Variants in RCAN1 observed in about 807,000 individuals in gnomAD.
RCAN1 encodes the protein calcipressin-1.
A neutral mutation model predicts 22.9 loss-of-function variants in RCAN1; 11 were observed. The ratio of observed to expected loss-of-function variants is 0.48; its 90% CI spans 0.30 to 0.79. The LOEUF is 0.79. RCAN1 is among the 30% of genes least tolerant of loss of function. RCAN1 has a pLI of 0.06. For synonymous variants in RCAN1, 136 were observed against 142.3 expected, an observed-to-expected ratio of 0.96 and a Z score of 0.32; for missense variants, 291 against 337.8, an observed-to-expected ratio of 0.86 and a Z score of 1.09.
chr21:34,571,932 T>C (rs978630174), intron 1 of RCAN1, among the ~76,000 whole-genome samples: 2 of 152,342 alleles, frequency 1.3e-5, no homozygotes, highest in East Asian at 3.9e-4. Context: ...CTTGCATGCC[T>C]ATCAAAGACC....
intron 3 of RCAN1, 155 bp downstream of exon 3, chr21:34,521,344 A>C (rs11700452): frequency 6.6e-7 from 1 of 1,512,452 alleles, no homozygotes; most frequent in South Asian, 1.3e-5. Flanking sequence ...TGCTCCCAGC[A>C]CAAGGGACGG....
intron 1 of RCAN1, among the ~76,000 whole-genome samples, chr21:34,594,083 T>G (rs1289943625): frequency 6.6e-6 from 1 of 152,208 alleles, no homozygotes; most frequent in Non-Finnish European, 1.5e-5. Context: ...GAGGAGTTCC[T>G]GTCGTGACCC....
intron 1 of RCAN1, among the ~76,000 whole-genome samples, chr21:34,565,254 A>T (rs1382246916): frequency 6.6e-6 from 1 of 152,220 alleles, no homozygotes; most frequent in East Asian, 1.9e-4. Context: ...GTTCCACTTC[A>T]TTCTTCTAGT....
At chr21:34,602,818 CTCTG>C (rs1260926927) in intron 1 of RCAN1, among the ~76,000 whole-genome samples, 1 of 152,194 alleles carries the variant, frequency 6.6e-6, no homozygotes, top group Non-Finnish European at 1.5e-5. Flanking sequence ...TGAGTTCTCT[CTCTG>C]TATTTCTTTA....
intron 1 of RCAN1, among the ~76,000 whole-genome samples, chr21:34,605,222 A>G (rs9976276): frequency 0.74 from 111,948 of 152,100 alleles, 41,531 homozygotes; most frequent in East Asian, 0.96. Context: ...GAAAAGACTA[A>G]ACTGGCTTAG....
intron 1 of RCAN1, among the ~76,000 whole-genome samples, chr21:34,538,349 T>C (rs1455638041): frequency 2.0e-5 from 3 of 152,140 alleles, no homozygotes; most frequent in African/African-American, 7.2e-5. Context: ...GTTTCACCCA[T>C]TTAAGAAACG....
intron 1 of RCAN1, among the ~76,000 whole-genome samples, chr21:34,571,179 G>A (rs1380423722): frequency 6.6e-6 from 1 of 152,134 alleles, no homozygotes; most frequent in Non-Finnish European, 1.5e-5. Context: ...TATAATCCCA[G>A]CTACTCGAGA....
intron 1 of RCAN1, among the ~76,000 whole-genome samples, chr21:34,566,023 A>G (rs138006813): frequency 2.0e-5 from 3 of 152,318 alleles, no homozygotes; most frequent in African/African-American, 7.2e-5. Flanking sequence ...CGTCTCTGGA[A>G]TGTACTACAC....
chr21:34,605,739 G>A (rs149982176), intron 1 of RCAN1, among the ~76,000 whole-genome samples: 91 of 151,988 alleles, frequency 6.0e-4, no homozygotes, highest in African/African-American at 1.9e-3. Flanking sequence ...GGCCAACATG[G>A]TGAAACCCTG....
At chr21:34,554,119 G>A (rs950427939) in intron 1 of RCAN1, among the ~76,000 whole-genome samples, 1 of 152,114 alleles carries the variant, frequency 6.6e-6, no homozygotes, top group East Asian at 1.9e-4. Flanking sequence ...TAGAGCTCTC[G>A]GGAGGAGAGT....
chr21:34,586,700 C>T (rs574422927), intron 1 of RCAN1, among the ~76,000 whole-genome samples: 1 of 152,234 alleles, frequency 6.6e-6, no homozygotes, highest in Non-Finnish European at 1.5e-5. Flanking sequence ...CACCTGTAAC[C>T]CCAGCACTTT....
At chr21:34,547,475 G>T (rs1293180595) in intron 1 of RCAN1, among the ~76,000 whole-genome samples, 1 of 152,224 alleles carries the variant, frequency 6.6e-6, no homozygotes, top group East Asian at 1.9e-4. Flanking sequence ...AATGCTAATG[G>T]ATTGAATTCT....
At chr21:34,582,801 C>T (rs1236609422) in intron 1 of RCAN1, among the ~76,000 whole-genome samples, 3 of 152,022 alleles carry the variant, frequency 2.0e-5, no homozygotes, top group Admixed American at 1.3e-4. Context: ...GAGGCTTCCG[C>T]GATAACACAG....
intron 1 of RCAN1, among the ~76,000 whole-genome samples, chr21:34,524,852 G>C (rs1984897259): frequency 6.6e-6 from 1 of 151,766 alleles, no homozygotes; most frequent in African/African-American, 2.4e-5. Context: ...CTGTCGGTGG[G>C]GGCAGCTGGG....
intron 1 of RCAN1, among the ~76,000 whole-genome samples, chr21:34,587,861 T>A (rs1342332428): frequency 6.6e-6 from 1 of 152,200 alleles, no homozygotes; most frequent in Non-Finnish European, 1.5e-5. Flanking sequence ...CGATTAACAT[T>A]TAGATTAGTG....
At chr21:34,595,800 G>T (rs2268271) in intron 1 of RCAN1, among the ~76,000 whole-genome samples, 45,203 of 152,140 alleles carry the variant, frequency 0.3, 7,248 homozygotes, top group South Asian at 0.4. Flanking sequence ...TGGGCAGGCC[G>T]GACAGGCTGC....
At chr21:34,584,048 G>A (rs1987711182) in intron 1 of RCAN1, among the ~76,000 whole-genome samples, 1 of 152,212 alleles carries the variant, frequency 6.6e-6, no homozygotes, top group African/African-American at 2.4e-5. Context: ...AATGGAATAA[G>A]GGAATGGTTG....
chr21:34,555,828 C>T (rs1038819969), intron 1 of RCAN1, among the ~76,000 whole-genome samples: 13 of 151,042 alleles, frequency 8.6e-5, no homozygotes, highest in South Asian at 2.1e-4. Context: ...TTTGGGAGGC[C>T]GAGGCAGGTG....
chr21:34,546,386 T>C (rs556912939), intron 1 of RCAN1, among the ~76,000 whole-genome samples: 22 of 152,110 alleles, frequency 1.4e-4, no homozygotes, highest in Admixed American at 4.6e-4. Context: ...TTTTTTTTTT[T>C]TTAGAAATGT....
Sources: allele counts gnomAD v4.1 joint callset (sites outside exome capture counted in the v4.1 genomes callset), GRCh38; gene constraint gnomAD v4.1.1; transcripts MANE v1.5; gene names NCBI Gene and HGNC (gene_info 2026-07-23, HGNC 2026-07-21).